Variants in COL4A1 observed in about 807,000 individuals in gnomAD.
The protein encoded by COL4A1 is collagen alpha-1(IV) chain.
COL4A1 carries 40 observed loss-of-function variants against 216.6 expected under a neutral mutation model. The observed-to-expected ratio is 0.18, with a 90% CI of 0.14 to 0.24. The LOEUF is 0.24. Among genes scored for constraint, COL4A1 ranks in the 10% least tolerant of loss-of-function variants. The probability of loss-of-function intolerance (pLI) is 1.00; values close to 1 mark genes in which losing one functional copy is unlikely to be tolerated. For missense variants in COL4A1, 1,628 were observed against 2,196.8 expected (o/e 0.74, Z 5.18); for synonymous variants, 839 against 810.7 (o/e 1.03, Z -0.59).
intron 2 of COL4A1, among the ~76,000 whole-genome samples, chr13:110,237,755 T>C (rs1881386341): frequency 6.6e-6 from 1 of 152,272 alleles, no homozygotes; most frequent in East Asian, 1.9e-4. Context: ...TATAGCCAAA[T>C]GTTGAGATGC....
chr13:110,206,238 C>T (rs1879508394), intron 15 of COL4A1, among the ~76,000 whole-genome samples: 1 of 152,216 alleles, frequency 6.6e-6, no homozygotes, highest in African/African-American at 2.4e-5. Flanking sequence ...AGAACCATCC[C>T]AGCTGACTGG....
intron 2 of COL4A1, among the ~76,000 whole-genome samples, chr13:110,239,822 G>C (rs1256465935): frequency 6.6e-6 from 1 of 152,178 alleles, no homozygotes; most frequent in Non-Finnish European, 1.5e-5. Context: ...TTTGGGATGA[G>C]AGAAAGGGAA....
intron 1 of COL4A1, among the ~76,000 whole-genome samples, chr13:110,248,943 G>A (rs974784681): frequency 6.6e-6 from 1 of 152,052 alleles, no homozygotes; most frequent in Non-Finnish European, 1.5e-5. Flanking sequence ...GGACTTTCTA[G>A]CTTCTGTCCT....
In COL4A1 at chr13:110,307,104, C is replaced by G. The variant is rs1318564075; in HGVS notation, c.-77G>C. On this transcript the variant is annotated 5_prime_UTR_variant, in exon 1 of 52. Transcript: ENST00000375820. The surrounding 1 kb of genome is among the most constrained non-coding windows in gnomAD (Gnocchi z 5.0). ...GGCGGACAGCTAGCTCTCGGAAGGC[C>G]GGACTTCCAGCGCTACGCACCGTCC... is the stretch of plus-strand genomic sequence containing the variant. The G allele has an allele frequency of 2.0e-5, 24 of 1,229,518 alleles. No homozygotes were observed. The highest frequency in any genetic ancestry group is 2.2e-5 in the Non-Finnish European group (21 of 936,236). The allele number at this position is 1,229,518 out of a possible 1,614,324, so 76.2% of individuals were successfully genotyped here. A position where few individuals can be genotyped will look rare whatever the true frequency, so the allele number is the denominator to read the frequency against.
At position 110,174,426 on chromosome 13, in the gene COL4A1, T is replaced by A. The variant is rs1385695848; in HGVS notation, c.3406+20A>T. 1 of 1,612,716 alleles carries A rather than the reference T, an allele frequency of 6.2e-7. No individual in the cohort carries two copies. Among genetic ancestry groups the A allele is most frequent in the Non-Finnish European group, 8.5e-7 (1 of 1,179,794 alleles). On this transcript the variant is annotated intron_variant, in intron 39 of 51. Coordinates refer to ENST00000375820, the MANE Select transcript of COL4A1 (RefSeq NM_001845.6). Reference sequence around the variant, plus strand: ...CTGTTCTCTATGTGCCCGGGCTGTGTCCCAAAGAGGGCCCTCTACCTGCTT... The same window carrying A: ...CTGTTCTCTATGTGCCCGGGCTGTGACCCAAAGAGGGCCCTCTACCTGCTT...
intron 1 of COL4A1, among the ~76,000 whole-genome samples, chr13:110,244,728 A>G (rs1369341661): frequency 6.6e-6 from 1 of 152,042 alleles, no homozygotes; most frequent in African/African-American, 2.4e-5. Context: ...TCCCCGGTAC[A>G]CCCTGAGTGC....
At chr13:110,287,210 C>A (rs1334241463) in intron 1 of COL4A1, among the ~76,000 whole-genome samples, 3 of 152,194 alleles carry the variant, frequency 2.0e-5, no homozygotes, top group Non-Finnish European at 4.4e-5. Context: ...GGAAGGAACG[C>A]CCTCATTTGC....
rs1456726532 is a variant in COL4A1 at position 110,207,035 on chromosome 13, G to C, written c.781-144C>G. The C allele has an allele frequency of 3.4e-6, 3 of 881,726 alleles. No individual in the cohort carries two copies. The highest frequency in any genetic ancestry group is 2.2e-5 in the Admixed American group (1 of 45,716). The allele number at this position is 881,726 out of a possible 1,614,324, so 54.6% of individuals were successfully genotyped here. On this transcript the variant is annotated intron_variant, in intron 13 of 51. Coordinates refer to ENST00000375820, the MANE Select transcript of COL4A1 (RefSeq NM_001845.6). This position sits in a 1 kb window ranked among gnomAD's most constrained non-coding sequence, Gnocchi z 4.4. ...TCATGTTGATCTCCAGCACTCACTT[G>C]ACATTGACTGGTATAAATGTAAGCA...
At position 110,209,048 on chromosome 13, in the gene COL4A1, A is replaced by T. The variant is rs12868203; in HGVS notation, c.652-158T>A. 0.26 allele frequency among the ~76,000 whole-genome samples: 40,201 copies of T among 152,108 alleles called. 5,494 individuals are homozygous for T. Among genetic ancestry groups the T allele is most frequent in the Admixed American group, 0.32 (4,875 of 15,288 alleles). On this transcript the variant is annotated intron_variant, in intron 11 of 51. Coordinates refer to ENST00000375820, the MANE Select transcript of COL4A1 (RefSeq NM_001845.6). The stretch of plus-strand genomic sequence containing the variant: ...TTTCTGGAAAGTAACGATCATGCTG[A>T]ATTCAATGTCTATGAAAAAGTTTTT...
intron 1 of COL4A1, among the ~76,000 whole-genome samples, chr13:110,245,334 A>G (rs1039569413): frequency 1.3e-5 from 2 of 152,154 alleles, no homozygotes; most frequent in Non-Finnish European, 2.9e-5. Flanking sequence ...AAGTTTGGAA[A>G]CACATCTCTG....
At chr13:110,174,419 G>C in intron 39 of COL4A1, 27 bp downstream of exon 39, 1 of 1,611,726 alleles carries the variant, frequency 6.2e-7, no homozygotes, top group Non-Finnish European at 8.5e-7. Context: ...TATGTGCCCG[G>C]GCTGTGTCCC....
chr13:110,293,951 T>C (rs1461890070), intron 1 of COL4A1, among the ~76,000 whole-genome samples: 1 of 152,250 alleles, frequency 6.6e-6, no homozygotes, highest in African/African-American at 2.4e-5. Context: ...CATTTATCCC[T>C]AACTCACAAA....
chr13:110,178,795 T>G (rs1303224107), intron 31 of COL4A1, 128 bp downstream of exon 31: 3 of 742,848 alleles, frequency 4.0e-6, no homozygotes, highest in Admixed American at 5.1e-5. Flanking sequence ...AAACTCGAGT[T>G]TTATTTTTTT....
rs767570461 is a variant in COL4A1, at chr13:110,169,620, A to G, written c.3876+9T>C. 2.7e-5 allele frequency: 43 copies of G among 1,613,882 alleles called. No homozygotes were observed. The highest frequency in any genetic ancestry group is 3.4e-5 in the Non-Finnish European group (40 of 1,180,020). ...TTTAAAAATAAAAATCTACAAATCA[A>G]TAACTCACAGGCATGCCCTGGAATC... On this transcript the variant is annotated intron_variant, in intron 43 of 51. Coordinates refer to ENST00000375820, the MANE Select transcript of COL4A1 (RefSeq NM_001845.6).
intron 1 of COL4A1, among the ~76,000 whole-genome samples, chr13:110,269,695 C>T (rs891868661): frequency 3.3e-4 from 50 of 152,138 alleles, no homozygotes; most frequent in African/African-American, 1.1e-3. Flanking sequence ...AGGCCCTTGC[C>T]GGCAGGGTAG....
chr13:110,262,977 G>A (rs907774215), intron 1 of COL4A1, among the ~76,000 whole-genome samples: 2 of 152,232 alleles, frequency 1.3e-5, no homozygotes, highest in African/African-American at 4.8e-5. Flanking sequence ...GTGGACCAGA[G>A]TTGGACACCA....
intron 1 of COL4A1, among the ~76,000 whole-genome samples, chr13:110,270,810 C>T (rs1883219264): frequency 6.6e-6 from 1 of 152,052 alleles, no homozygotes; most frequent in Admixed American, 6.5e-5. Flanking sequence ...GCAAAGACAC[C>T]ACAGTAGCAA....
At chr13:110,234,628 G>A (rs1881222427) in intron 2 of COL4A1, among the ~76,000 whole-genome samples, 1 of 152,084 alleles carries the variant, frequency 6.6e-6, no homozygotes, top group African/African-American at 2.4e-5. Context: ...TAAGTGTGGG[G>A]AACTGTATAT....
intron 22 of COL4A1, among the ~76,000 whole-genome samples, chr13:110,193,334 C>T (rs907882705): frequency 3.9e-5 from 6 of 152,230 alleles, no homozygotes; most frequent in Non-Finnish European, 5.9e-5. Context: ...TAGTCCAGTT[C>T]ATGGACTTCA....
Sources: allele counts gnomAD v4.1 joint callset (sites outside exome capture counted in the v4.1 genomes callset), GRCh38; gene constraint gnomAD v4.1.1; non-coding constraint Gnocchi (gnomAD v3.1); transcripts MANE v1.5; gene names NCBI Gene and HGNC (gene_info 2026-07-23, HGNC 2026-07-21).